The following FBXO38 variants were observed in gnomAD, a reference collection of about 807,000 sequenced individuals.
FBXO38 encodes the protein F-box only protein 38.
FBXO38 carries 53 observed loss-of-function variants against 131.9 expected under a neutral mutation model. The observed-to-expected ratio is 0.40, with a 90% CI of 0.32 to 0.51. The LOEUF is 0.51. Among genes scored for constraint, FBXO38 ranks in the 20% least tolerant of loss-of-function variants. FBXO38 has a pLI of 0.53. For missense variants in FBXO38, 1,076 were observed against 1,475.6 expected, an observed-to-expected ratio of 0.73 and a Z score of 4.44; for synonymous variants, 452 against 505.6, an observed-to-expected ratio of 0.89 and a Z score of 1.42.
At chr5:148,405,684 C>T (rs879535541) in intron 6 of FBXO38, among the ~76,000 whole-genome samples, 17 of 152,168 alleles carry the variant, frequency 1.1e-4, no homozygotes, top group African/African-American at 4.1e-4. Flanking sequence ...GCACTTTCTT[C>T]CTCTGTTTTT....
At chr5:148,405,016 CAA>C (rs764926425) in intron 6 of FBXO38, among the ~76,000 whole-genome samples, 194 bp downstream of exon 6, 5 of 122,706 alleles carry the variant, frequency 4.1e-5, no homozygotes, top group African/African-American at 3.0e-5. Flanking sequence ...TTGACCTCAG[CAA>C]AAAAAAAAAA....
intron 6 of FBXO38, among the ~76,000 whole-genome samples, chr5:148,405,433 C>T (rs1752391694): frequency 6.6e-6 from 1 of 152,092 alleles, no homozygotes; most frequent in Non-Finnish European, 1.5e-5. Flanking sequence ...TTTCCTCTTC[C>T]AGTGTGGCCC....
rs142402947 is a variant in FBXO38, at chr5:148,425,697, G to C, written c.1914G>C (p.Leu638Phe). ...GAGAGTCAGTGCAGTCCAGAGAATT[G>C]TCAGGTGAGAAATTGTCTTTCTCTG... is the stretch of plus-strand genomic sequence containing the variant. ...KTGESVQSRE[L>F]SVSGKGKTPL... Residue 638 changes from leucine to phenylalanine, a missense_variant, in exon 14 of 22, where the codon TTG becomes TTC. This residue lies in a region of FBXO38 where 212 missense variants were observed against 221.2 expected (regional missense o/e 0.96). Coordinates refer to ENST00000340253, the MANE Select transcript of FBXO38 (RefSeq NM_205836.3). The C allele has an allele frequency of 6.2e-7, 1 of 1,612,444 alleles. No individual in the cohort carries two copies. Among genetic ancestry groups the C allele is most frequent in the Non-Finnish European group, 8.5e-7 (1 of 1,179,350 alleles).
At chr5:148,408,099 A>G (rs1041814540) in intron 7 of FBXO38, among the ~76,000 whole-genome samples, 2 of 152,220 alleles carry the variant, frequency 1.3e-5, no homozygotes, top group African/African-American at 4.8e-5. Flanking sequence ...TTTGCACACA[A>G]GAAGCCAATA....
intron 12 of FBXO38, among the ~76,000 whole-genome samples, chr5:148,421,709 T>C (rs977758718): frequency 1.3e-5 from 2 of 152,138 alleles, no homozygotes; most frequent in African/African-American, 4.8e-5. Flanking sequence ...GATAAAATAT[T>C]TTCCAACAAA....
In FBXO38 at chr5:148,404,449, A is replaced by G. The variant is rs115425944; in HGVS notation, c.593-236A>G. Among the ~76,000 whole-genome samples the G allele has an allele frequency of 5.3e-3, 810 of 152,320 alleles. 8 individuals carry two copies. Among genetic ancestry groups the G allele is most frequent in the African/African-American group, 0.019 (774 of 41,574 alleles). On this transcript the variant is annotated intron_variant, in intron 5 of 21. Coordinates refer to ENST00000340253, the MANE Select transcript of FBXO38 (RefSeq NM_205836.3). ...GACATAGAAATACTTTTTAAACTCT[A>G]TCTTCCCATTGGCCTTTCCTAAAAA...
intron 7 of FBXO38, among the ~76,000 whole-genome samples, chr5:148,408,362 G>A (rs537948637): frequency 1.3e-5 from 2 of 152,308 alleles, no homozygotes; most frequent in East Asian, 3.9e-4. Flanking sequence ...AGCAACAGTT[G>A]CATTCCTGGC....
At chr5:148,406,744 C>T (rs923886439) in intron 7 of FBXO38, among the ~76,000 whole-genome samples, 1 of 151,866 alleles carries the variant, frequency 6.6e-6, no homozygotes, top group South Asian at 2.1e-4. Context: ...CTTGTACAGC[C>T]GAGGCTTCCA....
At position 148,427,519 on chromosome 5, in the gene FBXO38, C is replaced by T; in HGVS notation, c.2225C>T (p.Thr742Ile). The T allele has an allele frequency of 1.9e-6, 3 of 1,614,166 alleles. No individual in the cohort carries two copies. The highest frequency in any genetic ancestry group is 1.7e-6 in the Non-Finnish European group (2 of 1,180,024). Residue 742 changes from threonine to isoleucine, a missense_variant, in exon 15 of 22, where the codon ACA becomes ATA. By Grantham distance (89) the Thr-to-Ile change is moderately conservative. Transcript: ENST00000340253. ...NSGGSSEPSP[T>I]EVDVSRQCAC... ...GGCGGCTCTTCCGAGCCTAGCCCTA[C>T]AGAAGTGGATGTGTCCAGGCAGTGT...
chr5:148,393,089 A>G (rs1758284100), intron 1 of FBXO38, among the ~76,000 whole-genome samples: 1 of 152,092 alleles, frequency 6.6e-6, no homozygotes, highest in Admixed American at 6.6e-5. Flanking sequence ...AAGTTAAGAC[A>G]CATGTCACAA....
At chr5:148,414,103 C>T (rs1359407839) in intron 9 of FBXO38, 33 bp from the exon 10 acceptor site, 2 of 1,225,520 alleles carry the variant, frequency 1.6e-6, no homozygotes, top group Middle Eastern at 3.0e-4. Context: ...AAGAATTTGA[C>T]TTTTTTTTTT....
chr5:148,393,175 A>G (rs1201760099), intron 1 of FBXO38, among the ~76,000 whole-genome samples: 1 of 141,060 alleles, frequency 7.1e-6, no homozygotes, highest in East Asian at 2.1e-4. Flanking sequence ...CTGGTTAGAA[A>G]CAACAGAAGA....
chr5:148,395,033 T>A, intron 2 of FBXO38, 129 bp downstream of exon 2: 1 of 1,025,370 alleles, frequency 9.8e-7, no homozygotes, highest in Non-Finnish European at 1.4e-6. Flanking sequence ...AATGTAAAAT[T>A]TAGTTCGTCA....
intron 12 of FBXO38, among the ~76,000 whole-genome samples, chr5:148,420,306 G>T (rs1017679112): frequency 5.3e-5 from 8 of 151,822 alleles, no homozygotes; most frequent in African/African-American, 1.7e-4. Flanking sequence ...AAAAAATTTT[G>T]TGTAGAGATA....
intron 17 of FBXO38, among the ~76,000 whole-genome samples, chr5:148,437,967 G>GTGAA (rs1754445398): frequency 6.6e-6 from 1 of 152,010 alleles, no homozygotes; most frequent in African/African-American, 2.4e-5. Flanking sequence ...ATTCCTGAGA[G>GTGAA]TGAATGTAAG....
chr5:148,390,019 ACT>A (rs1175051495), intron 1 of FBXO38: 1 of 149,596 alleles, frequency 6.7e-6, no homozygotes, highest in African/African-American at 2.5e-5. Context: ...ACACAGCGAG[ACT>A]CTGTCTTAAA....
chr5:148,388,362 G>A (rs1758026402), intron 1 of FBXO38, among the ~76,000 whole-genome samples: 1 of 152,162 alleles, frequency 6.6e-6, no homozygotes, highest in Admixed American at 6.5e-5. Flanking sequence ...GTCACCAGCT[G>A]CATTCTCTAA....
chr5:148,413,460 C>G (rs1581254794), intron 9 of FBXO38: 1 of 152,068 alleles, frequency 6.6e-6, no homozygotes, highest in South Asian at 2.1e-4. Context: ...CTAACAGAAT[C>G]TTGGAGCGTG....
intron 1 of FBXO38, among the ~76,000 whole-genome samples, chr5:148,393,188 G>GGGGGTGTGTGT (rs1420907423): frequency 3.1e-5 from 4 of 127,034 alleles, no homozygotes; most frequent in African/African-American, 1.2e-4. Flanking sequence ...ACAGAAGAGG[G>GGGGGTGTGTGT]GTGTGTGTGT....
Sources: gnomAD v4.1 joint callset for allele counts (sites outside exome capture counted in the v4.1 genomes callset) on GRCh38, gnomAD v4.1.1 for gene constraint, gnomAD v4.1.1 regional missense constraint, MANE v1.5 for transcripts, NCBI Gene and HGNC (gene_info 2026-07-23, HGNC 2026-07-21) for gene names.